NSD1: variants seen among roughly 807,000 people sequenced by gnomAD.
NSD1 encodes the protein histone-lysine N-methyltransferase, H3 lysine-36 specific.
In NSD1, 26 loss-of-function variants were observed where a neutral mutation model predicts 242.7. The observed-to-expected ratio is 0.11, with a 90% confidence interval of 0.08 to 0.15. The LOEUF is 0.15. NSD1 is among the 10% of genes least tolerant of loss of function. NSD1 has a pLI of 1.00. For missense variants in NSD1, 2,495 were observed against 3,272.8 expected, an observed-to-expected ratio of 0.76 and a Z score of 5.80; for synonymous variants, 1,106 against 1,178.1, an observed-to-expected ratio of 0.94 and a Z score of 1.25.
At chr5:177,161,659 C>T (rs1237046722) in intron 2 of NSD1, among the ~76,000 whole-genome samples, 2 of 147,614 alleles carry the variant, frequency 1.4e-5, no homozygotes, top group Non-Finnish European at 3.0e-5. Context: ...ATTTATAAAC[C>T]TGTTTTCTGT....
intron 2 of NSD1, among the ~76,000 whole-genome samples, chr5:177,139,327 G>A (rs1432787056): frequency 6.7e-6 from 1 of 148,818 alleles, no homozygotes; most frequent in African/African-American, 2.5e-5. Flanking sequence ...AGCTGGGCGT[G>A]GTGGCAGGCT....
At position 177,153,208 on chromosome 5, in the gene NSD1, G is replaced by GT. The variant is rs575455880; in HGVS notation, c.927+17192dup. Among the ~76,000 whole-genome samples, 600 of 135,724 alleles carry GT rather than the reference G, an allele frequency of 4.4e-3. 5 individuals carry two copies. Among genetic ancestry groups the GT allele is most frequent in the African/African-American group, 7.5e-3 (284 of 37,670 alleles). 89.0% of individuals were successfully genotyped at this position (135,724 alleles called of 152,430 possible). A position where few individuals can be genotyped will look rare whatever the true frequency, so the allele number is the denominator to read the frequency against. On this transcript the variant is annotated intron_variant, in intron 2 of 22. Transcript: ENST00000439151. ...TAATGTCTGTGGAATTTCTTTTTCT[G>GT]TTTTTTTTTTTTTTAATTATTTCTT...
intron 5 of NSD1, among the ~76,000 whole-genome samples, chr5:177,216,278 T>G (rs1763764819): frequency 6.6e-6 from 1 of 152,248 alleles, no homozygotes; most frequent in Admixed American, 6.5e-5. Flanking sequence ...TCTCCCATTT[T>G]GTACCTGCCT....
intron 21 of NSD1, among the ~76,000 whole-genome samples, chr5:177,289,555 A>G (rs1280852895): frequency 6.6e-6 from 1 of 152,146 alleles, no homozygotes; most frequent in East Asian, 1.9e-4. Context: ...CTAATAAGCC[A>G]TATAGATTCT....
chr5:177,133,656 GCTCGGTGGGGGAAGGGGTGCGCGCGCA>G (rs1183761549), upstream of NSD1: 2 of 149,436 alleles, frequency 1.3e-5, no homozygotes, highest in African/African-American at 2.4e-5. The surrounding 1 kb of genome is among the most constrained non-coding windows in gnomAD (Gnocchi z 6.2). Flanking sequence ...GAACGCGCGC[GCTCGGTGGGGGAAGGGGTGCGCGCGCA>G]CTCGGGGCCC....
At chr5:177,204,439 C>G in intron 4 of NSD1, 147 bp downstream of exon 4, 4 of 716,996 alleles carry the variant, frequency 5.6e-6, no homozygotes, top group Non-Finnish European at 9.4e-6. Flanking sequence ...CTGCAACCTC[C>G]GCGTCCCAGG....
chr5:177,181,578 A>AGT (rs1760693998), intron 2 of NSD1, among the ~76,000 whole-genome samples: 1 of 151,758 alleles, frequency 6.6e-6, no homozygotes, highest in South Asian at 2.1e-4. Flanking sequence ...GGTGCCTGCC[A>AGT]GTATGCCTGG....
At chr5:177,207,592 A>ATTTTTT (rs1562201568) in intron 4 of NSD1, among the ~76,000 whole-genome samples, 2 of 100,118 alleles carry the variant, frequency 2.0e-5, no homozygotes, top group East Asian at 9.6e-4. Flanking sequence ...TATTTATTTA[A>ATTTTTT]ATTTTTTTTT....
intron 4 of NSD1, among the ~76,000 whole-genome samples, chr5:177,205,229 T>C (rs1260705292): frequency 1.3e-5 from 2 of 152,108 alleles, no homozygotes; most frequent in Non-Finnish European, 2.9e-5. Context: ...TAGAGACAGG[T>C]TTTGCCATAT....
At chr5:177,145,183 C>T (rs1187841289) in intron 2 of NSD1, among the ~76,000 whole-genome samples, 1 of 151,028 alleles carries the variant, frequency 6.6e-6, no homozygotes, top group Non-Finnish European at 1.5e-5. Context: ...TCTTAATATT[C>T]TATTAGAAAT....
chr5:177,204,359 C>T (rs2149836539), intron 4 of NSD1, 67 bp downstream of exon 4: 1 of 1,445,040 alleles, frequency 6.9e-7, no homozygotes, highest in South Asian at 1.2e-5. Flanking sequence ...AAAATGGCCT[C>T]TTATTTATTT....
intron 4 of NSD1, 95 bp downstream of exon 4, chr5:177,204,387 T>C: frequency 1.7e-6 from 2 of 1,206,416 alleles, no homozygotes; most frequent in Non-Finnish European, 2.4e-6. Flanking sequence ...AGAACTTTGC[T>C]CTGTTTCCCA....
At position 177,138,087 on chromosome 5, in the gene NSD1, C is replaced by CA. The variant is rs1295473562; in HGVS notation, c.927+2059dup. Among the ~76,000 whole-genome samples, 756 of 135,500 alleles carry CA rather than the reference C, an allele frequency of 5.6e-3. 5 individuals are homozygous for CA. Among genetic ancestry groups the CA allele is most frequent in the African/African-American group, 0.02 (719 of 36,088 alleles). The allele number at this position is 135,500 out of a possible 152,430, so 88.9% of individuals were successfully genotyped here. A position where few individuals can be genotyped will look rare whatever the true frequency, so the allele number is the denominator to read the frequency against. On this transcript the variant is annotated intron_variant, in intron 2 of 22. Transcript: ENST00000439151. ...TGAAACTCTGTCTCAAAAAAAAAAACAACAAAAAAACAAACAAACAAACAA... is the reference window on the plus strand; with the variant it reads ...TGAAACTCTGTCTCAAAAAAAAAAACAAACAAAAAAACAAACAAACAAACAA...
chr5:177,286,211 T>C (rs1277783295), intron 20 of NSD1, among the ~76,000 whole-genome samples: 1 of 152,250 alleles, frequency 6.6e-6, no homozygotes, highest in Non-Finnish European at 1.5e-5. Context: ...TGTACTTTTT[T>C]CTCTACAATT....
At chr5:177,287,634 T>C (rs963664105) in intron 20 of NSD1, among the ~76,000 whole-genome samples, 9 of 151,836 alleles carry the variant, frequency 5.9e-5, no homozygotes, top group African/African-American at 2.2e-4. Flanking sequence ...AGACTCCGTC[T>C]CAAAGAAAGA....
chr5:177,197,547 G>A (rs891107184), intron 3 of NSD1, among the ~76,000 whole-genome samples: 5 of 152,164 alleles, frequency 3.3e-5, no homozygotes, highest in Non-Finnish European at 7.3e-5. Flanking sequence ...GTGTGAACCC[G>A]GGAGGCGGAG....
At chr5:177,148,841 C>T (rs1398862159) in intron 2 of NSD1, among the ~76,000 whole-genome samples, 4 of 151,772 alleles carry the variant, frequency 2.6e-5, no homozygotes, top group African/African-American at 4.8e-5. Flanking sequence ...TTTTTTGAGA[C>T]GGAGTCTCGC....
At chr5:177,157,746 C>G (rs1346327448) in intron 2 of NSD1, among the ~76,000 whole-genome samples, 4 of 152,214 alleles carry the variant, frequency 2.6e-5, no homozygotes, top group Admixed American at 2.6e-4. Flanking sequence ...AAAACCCATT[C>G]CCAGCAGTCA....
intron 2 of NSD1, among the ~76,000 whole-genome samples, chr5:177,165,565 A>G (rs1581179620): frequency 6.6e-6 from 1 of 151,712 alleles, no homozygotes; most frequent in African/African-American, 2.4e-5. Flanking sequence ...TTTTTCCCCC[A>G]TTCTGTTTCT....
Sources: allele counts gnomAD v4.1 joint callset (sites outside exome capture counted in the v4.1 genomes callset), GRCh38; gene constraint gnomAD v4.1.1; non-coding constraint Gnocchi (gnomAD v3.1); transcripts MANE v1.5; gene names NCBI Gene and HGNC (gene_info 2026-07-23, HGNC 2026-07-21).